Variants in RAB3B observed in about 807,000 individuals in gnomAD.
RAB3B encodes the protein ras-related protein Rab-3B.
In RAB3B, 11 loss-of-function variants were observed where a neutral mutation model predicts 20.5. That is an observed-to-expected ratio of 0.54 (90% CI 0.34 to 0.89). RAB3B has a LOEUF of 0.89. RAB3B is among the 40% of genes least tolerant of loss of function. The pLI is 0.02. For synonymous variants in RAB3B, 99 were observed against 106.3 expected, an observed-to-expected ratio of 0.93 and a Z score of 0.42; for missense variants, 225 against 280.9, an observed-to-expected ratio of 0.80 and a Z score of 1.42.
intron 4 of RAB3B, among the ~76,000 whole-genome samples, chr1:51,932,210 C>G (rs1203436017): frequency 6.6e-6 from 1 of 152,150 alleles, no homozygotes; most frequent in Non-Finnish European, 1.5e-5. Flanking sequence ...GATTACCCAC[C>G]TATAAGCCCA....
intron 4 of RAB3B, among the ~76,000 whole-genome samples, chr1:51,929,961 T>C (rs1684300088): frequency 6.6e-6 from 1 of 152,114 alleles, no homozygotes; most frequent in African/African-American, 2.4e-5. Flanking sequence ...CTATGCTGGG[T>C]CCTTAGGATA....
rs1192810417 is a variant in RAB3B, at chr1:51,908,753, C to T, written c.*11174G>A. ...CCACTGCGGGGGGAACAGACCCTCC[C>T]CTGTTCTGAGACTAACCCTGCCATT... On this transcript the variant is annotated 3_prime_UTR_variant, in exon 5 of 5. Coordinates refer to ENST00000371655, the MANE Select transcript of RAB3B (RefSeq NM_002867.4). The T allele has an allele frequency of 6.6e-6, 1 of 152,136 alleles. No homozygotes were observed. Among genetic ancestry groups the T allele is most frequent in the Non-Finnish European group, 1.5e-5 (1 of 68,060 alleles). The allele number at this position is 152,136 out of a possible 1,614,324, so 9.4% of individuals were successfully genotyped here.
intron 4 of RAB3B, among the ~76,000 whole-genome samples, chr1:51,927,424 A>C (rs1237826512): frequency 6.6e-6 from 1 of 152,174 alleles, no homozygotes; most frequent in East Asian, 1.9e-4. Context: ...TGAATCTCCT[A>C]ATTCCTAGTC....
At chr1:51,970,959 T>A (rs1034434789) in intron 2 of RAB3B, among the ~76,000 whole-genome samples, 3 of 137,466 alleles carry the variant, frequency 2.2e-5, no homozygotes, top group Non-Finnish European at 3.0e-5. Context: ...TCCAGTCAGC[T>A]GAGATCGTGC....
chr1:51,911,539 T>C lies in RAB3B; in HGVS notation c.*8388A>G, dbSNP rs907774671. ...CTCCAACAAGCAAAGCAAAGGGGGG[T>C]TTTATTAGAAAGATACATTGAGCTT... On this transcript the variant is annotated 3_prime_UTR_variant, in exon 5 of 5. Coordinates refer to ENST00000371655, the MANE Select transcript of RAB3B (RefSeq NM_002867.4). The C allele has an allele frequency of 4.0e-5, 6 of 151,362 alleles. No homozygotes were observed. Among genetic ancestry groups the C allele is most frequent in the Non-Finnish European group, 5.9e-5 (4 of 67,818 alleles). The allele number at this position is 151,362 out of a possible 1,614,324, so 9.4% of individuals were successfully genotyped here.
intron 2 of RAB3B, among the ~76,000 whole-genome samples, chr1:51,948,266 C>T (rs1358399543): frequency 6.6e-6 from 1 of 152,174 alleles, no homozygotes; most frequent in Non-Finnish European, 1.5e-5. Flanking sequence ...TCCCAACAGA[C>T]CATCCTCTTT....
At chr1:51,940,984 G>C (rs1410116446) in intron 2 of RAB3B, among the ~76,000 whole-genome samples, 2 of 151,924 alleles carry the variant, frequency 1.3e-5, no homozygotes, top group African/African-American at 4.8e-5. Flanking sequence ...ACTTTCAAGG[G>C]GTAAGAAAGT....
intron 1 of RAB3B, among the ~76,000 whole-genome samples, chr1:51,977,522 A>G (rs1021506578): frequency 6.6e-6 from 1 of 152,172 alleles, no homozygotes; most frequent in Non-Finnish European, 1.5e-5. Context: ...GTCCATGAGA[A>G]GCATCTCATT....
rs898512843 is a variant in RAB3B at position 51,918,499 on chromosome 1, C to T, written c.*1428G>A. On this transcript the variant is annotated 3_prime_UTR_variant, in exon 5 of 5. Transcript: ENST00000371655. Reference sequence around the variant, plus strand: ...GCAGAGGGAGCACAGACTGTGAAGTCTCTGACAGCAGAGCTGGTACCAACA... The same window carrying T: ...GCAGAGGGAGCACAGACTGTGAAGTTTCTGACAGCAGAGCTGGTACCAACA... The T allele has an allele frequency of 3.9e-5, 6 of 152,192 alleles. No individual in the cohort carries two copies. The highest frequency in any genetic ancestry group is 1.4e-4 in the African/African-American group (6 of 41,432). 9.4% of individuals were successfully genotyped at this position (152,192 alleles called of 1,614,324 possible). A position where few individuals can be genotyped will look rare whatever the true frequency, so the allele number is the denominator to read the frequency against.
chr1:51,920,867 T>C (rs1467742844), intron 4 of RAB3B, among the ~76,000 whole-genome samples: 1 of 152,166 alleles, frequency 6.6e-6, no homozygotes, highest in African/African-American at 2.4e-5. Context: ...CACTGGTTTA[T>C]TTCCACTCAG....
In RAB3B at chr1:51,919,173, C is replaced by G. The variant is rs963325916; in HGVS notation, c.*754G>C. 6.6e-6 allele frequency: 1 copy of G among 151,532 alleles called. No homozygotes were observed. The highest frequency in any genetic ancestry group is 1.5e-5 in the Non-Finnish European group (1 of 67,872). The allele number at this position is 151,532 out of a possible 1,614,324, so 9.4% of individuals were successfully genotyped here. Reference sequence around the variant, plus strand: ...TAATTTTTTGTATTTTTAGTAGAGACGGGGTTTCACCTTGTTAGCCAGGAT... The same window carrying G: ...TAATTTTTTGTATTTTTAGTAGAGAGGGGGTTTCACCTTGTTAGCCAGGAT... On this transcript the variant is annotated 3_prime_UTR_variant, in exon 5 of 5. Transcript: ENST00000371655.
chr1:51,920,148 C>G, intron 4 of RAB3B, 34 bp from the exon 5 acceptor site: 1 of 1,563,770 alleles, frequency 6.4e-7, no homozygotes, highest in Non-Finnish European at 8.7e-7. Flanking sequence ...AAGGACTTTT[C>G]CCATCCCTTC....
chr1:51,962,477 C>T (rs1684797404), intron 2 of RAB3B, among the ~76,000 whole-genome samples: 1 of 152,250 alleles, frequency 6.6e-6, no homozygotes, highest in African/African-American at 2.4e-5. Context: ...GATCCTCCCA[C>T]ACACGCCACA....
At chr1:51,939,719 C>T (rs1187277003) in intron 2 of RAB3B, among the ~76,000 whole-genome samples, 1 of 152,206 alleles carries the variant, frequency 6.6e-6, no homozygotes, top group Non-Finnish European at 1.5e-5. Flanking sequence ...GGACCACAGG[C>T]ATGTGCCACC....
chr1:51,955,675 C>T (rs1325211980), intron 2 of RAB3B, among the ~76,000 whole-genome samples: 1 of 152,236 alleles, frequency 6.6e-6, no homozygotes, highest in Non-Finnish European at 1.5e-5. Context: ...GCTAGAATTA[C>T]AGGCATAAGC....
At chr1:51,934,788 A>G (rs566722906) in intron 3 of RAB3B, among the ~76,000 whole-genome samples, 53 of 151,964 alleles carry the variant, frequency 3.5e-4, no homozygotes, top group Admixed American at 1.0e-3. Flanking sequence ...AAAAAAAAAA[A>G]AAAAAAAAAA....
chr1:51,967,453 T>C (rs902257991), intron 2 of RAB3B, among the ~76,000 whole-genome samples: 12 of 151,370 alleles, frequency 7.9e-5, no homozygotes, highest in Admixed American at 5.3e-4. Context: ...GGACATTACC[T>C]GCTTCAGAGT....
At chr1:51,931,105 A>G (rs1194462624) in intron 4 of RAB3B, among the ~76,000 whole-genome samples, 1 of 152,152 alleles carries the variant, frequency 6.6e-6, no homozygotes, top group African/African-American at 2.4e-5. Flanking sequence ...AAATAAATAC[A>G]GAAAATCATC....
intron 1 of RAB3B, among the ~76,000 whole-genome samples, chr1:51,987,815 T>C (rs1369683393): frequency 6.6e-6 from 1 of 152,224 alleles, no homozygotes; most frequent in East Asian, 1.9e-4. Context: ...GGAACCCACC[T>C]AGACTAAAAG....
Sources: allele counts gnomAD v4.1 joint callset (sites outside exome capture counted in the v4.1 genomes callset), GRCh38; gene constraint gnomAD v4.1.1; transcripts MANE v1.5; gene names NCBI Gene and HGNC (gene_info 2026-07-23, HGNC 2026-07-21).